Variants in TBC1D8B observed in about 807,000 individuals in gnomAD.
The protein encoded by TBC1D8B is TBC1 domain family member 8B.
TBC1D8B carries 75 observed loss-of-function variants against 82.9 expected under a neutral mutation model. The observed-to-expected ratio is 0.90, with a 90% confidence interval of 0.75 to 1.10. The LOEUF is 1.10. Among genes scored for constraint, TBC1D8B ranks in the 50% least tolerant of loss-of-function variants. The probability of loss-of-function intolerance (pLI) is 0.00; values close to 1 mark genes in which losing one functional copy is unlikely to be tolerated. For missense variants in TBC1D8B, 794 were observed against 796.9 expected, an observed-to-expected ratio of 1.00 and a Z score of 0.04; for synonymous variants, 276 against 276.8, an observed-to-expected ratio of 1.00 and a Z score of 0.03.
At chrX:106,823,085 T>G in intron 4 of TBC1D8B, 141 bp from the exon 5 acceptor site, 4 of 622,283 alleles carry the variant, frequency 6.4e-6, no homozygotes, top group Non-Finnish European at 9.4e-6. Context: ...GCTTCAAATT[T>G]TTAACTAATC....
chrX:106,827,384 G>A lies in TBC1D8B; in HGVS notation c.1203+47G>A, dbSNP rs369375577. On this transcript the variant is annotated intron_variant, in intron 7 of 20. Transcript: ENST00000357242. ...AAATCATTTGGAAAAAAAGGTGTGTGTTTAGTGTAGCCCATTCTTCAAGAG... is the reference window on the plus strand; with the variant it reads ...AAATCATTTGGAAAAAAAGGTGTGTATTTAGTGTAGCCCATTCTTCAAGAG... The A allele has an allele frequency of 4.1e-4, 476 of 1,172,981 alleles. 4 individuals are homozygous for A. Among genetic ancestry groups the A allele is most frequent in the Non-Finnish European group, 1.4e-5 (12 of 863,526 alleles).
At chrX:106,843,365 A>C (rs928911384) in intron 10 of TBC1D8B, among the ~76,000 whole-genome samples, 1 of 111,508 alleles carries the variant, frequency 9.0e-6, no homozygotes. Context: ...TTTTTTACCA[A>C]ATCTCCCCTT....
chrX:106,854,465 T>A (rs932583442), intron 14 of TBC1D8B, among the ~76,000 whole-genome samples, 169 bp downstream of exon 14: 1 of 111,464 alleles, frequency 9.0e-6, no homozygotes, highest in Non-Finnish European at 1.9e-5. Flanking sequence ...AAATACATTA[T>A]TTTCTTCTGG....
Position 106,823,461 on chromosome X carries a change from C to A in TBC1D8B, c.822C>A (p.Thr274=). 8.3e-7 allele frequency: 1 copy of A among 1,202,518 alleles called. No individual in the cohort carries two copies. Among genetic ancestry groups the A allele is most frequent in the South Asian group, 1.8e-5 (1 of 55,876 alleles). The change falls in exon 5 of 21, where the codon ACC becomes ACA. Residue 274 remains threonine (T), a synonymous_variant. Coordinates refer to ENST00000357242, the MANE Select transcript of TBC1D8B (RefSeq NM_017752.3). ...TCCTTTATAATCCTCTACAGATCAC[C>A]AAAAGGTATTCAAAGCTTAATTTTT... is the stretch of plus-strand genomic sequence containing the variant. The part of the protein sequence containing the change: ...DPVLYNPLQI[T]KRGLENRAHS...
At chrX:106,856,439 A>G (rs1352260634) in intron 14 of TBC1D8B, among the ~76,000 whole-genome samples, 1 of 110,567 alleles carries the variant, frequency 9.0e-6, no homozygotes, top group Non-Finnish European at 1.9e-5. Flanking sequence ...TTATAAAAAT[A>G]TTTTTTCATA....
chrX:106,836,084 G>A (rs1932168785), intron 7 of TBC1D8B, among the ~76,000 whole-genome samples: 1 of 111,791 alleles, frequency 8.9e-6, no homozygotes, highest in South Asian at 3.8e-4. Context: ...ACACTGGTAT[G>A]AAGAAATACC....
At chrX:106,809,070 T>G (rs750089465) in intron 1 of TBC1D8B, among the ~76,000 whole-genome samples, 93 of 112,173 alleles carry the variant, frequency 8.3e-4, no homozygotes, top group Non-Finnish European at 1.6e-3. Flanking sequence ...TTGCCTTTAT[T>G]TTAGAACATT....
chrX:106,807,454 CTTTT>C (rs753069652), intron 1 of TBC1D8B, among the ~76,000 whole-genome samples: 18 of 85,660 alleles, frequency 2.1e-4, no homozygotes, highest in African/African-American at 7.5e-4. Context: ...TTACCCTCAC[CTTTT>C]TTTTTTTTTT....
At chrX:106,845,315 A>G (rs1013340903) in intron 10 of TBC1D8B, among the ~76,000 whole-genome samples, 2 of 109,506 alleles carry the variant, frequency 1.8e-5, no homozygotes, top group Non-Finnish European at 3.8e-5. Flanking sequence ...TTTTTTAATT[A>G]TATTTTAAGT....
Position 106,873,569 on chromosome X carries a change from G to A in TBC1D8B, c.2968-1G>A, listed in dbSNP as rs1423122598. On this transcript the variant is annotated splice_acceptor_variant, in intron 20 of 20. Coordinates refer to ENST00000357242, the MANE Select transcript of TBC1D8B (RefSeq NM_017752.3). LOFTEE classifies it high-confidence loss of function. ...TGATATTTTCAACTTGTGTCTTCTA[G>A]TCTCAGTTTATTCAGTTTTCAAAGA... 1 of 1,188,365 alleles carries A rather than the reference G, an allele frequency of 8.4e-7. No individual in the cohort carries two copies. The highest frequency in any genetic ancestry group is 2.5e-5 in the Admixed American group (1 of 40,805).
In TBC1D8B at chrX:106,840,062, G is replaced by T; in HGVS notation, c.1368G>T (p.Met456Ile). The T allele has an allele frequency of 8.4e-7, 1 of 1,194,530 alleles. No individual in the cohort carries two copies. The highest frequency in any genetic ancestry group is 1.1e-6 in the Non-Finnish European group (1 of 889,048). ...TLNSKMLKEK[M>I]KEQSWKILFA... The stretch of plus-strand genomic sequence containing the variant: ...TGTCATTACAGTTGAAAGAAAAAAT[G>T]AAGGAACAGTCATGGAAAATACTGT... Residue 456 changes from methionine to isoleucine, a missense_variant, in exon 9 of 21, where the codon ATG becomes ATT. Physicochemically the swap from Met to Ile is conservative, Grantham distance 10. Coordinates refer to ENST00000357242, the MANE Select transcript of TBC1D8B (RefSeq NM_017752.3).
intron 9 of TBC1D8B, 71 bp from the exon 10 acceptor site, chrX:106,840,598 TA>T: frequency 3.2e-6 from 3 of 939,167 alleles, no homozygotes; most frequent in Non-Finnish European, 4.5e-6. Context: ...GAAATCCAAT[TA>T]TTTATGTATA....
intron 7 of TBC1D8B, among the ~76,000 whole-genome samples, chrX:106,834,320 G>A (rs5962759): frequency 0.026 from 2,896 of 110,990 alleles, 100 homozygotes; most frequent in African/African-American, 0.091. Flanking sequence ...GATCTCATGA[G>A]AACTCACTCA....
chrX:106,869,611 G>T, intron 19 of TBC1D8B, 70 bp downstream of exon 19: 1 of 902,141 alleles, frequency 1.1e-6, no homozygotes, highest in Non-Finnish European at 1.5e-6. Context: ...AGCTACAAAG[G>T]GGGAAAAGGT....
intron 2 of TBC1D8B, among the ~76,000 whole-genome samples, chrX:106,819,793 A>T (rs1411176898): frequency 9.1e-6 from 1 of 110,306 alleles, no homozygotes; most frequent in Non-Finnish European, 1.9e-5. Flanking sequence ...AGTAAAAATT[A>T]TTTTTTTTAA....
Position 106,875,194 on chromosome X carries a change from A to G in TBC1D8B, c.*1229A>G, listed in dbSNP as rs925654960. On this transcript the variant is annotated 3_prime_UTR_variant, in exon 21 of 21. Transcript: ENST00000357242. ...TTATTAATCAATTGACTTAGAAAAT[A>G]GGGGGAGAAATCATTCATTGGAGCT... is the stretch of plus-strand genomic sequence containing the variant. The G allele has an allele frequency of 9.0e-6, 1 of 111,436 alleles. No individual in the cohort carries two copies. The highest frequency in any genetic ancestry group is 3.3e-5 in the African/African-American group (1 of 30,636). The allele number at this position is 111,436 out of a possible 1,213,427, so 9.2% of individuals were successfully genotyped here.
chrX:106,872,452 T>A (rs1410255421), intron 20 of TBC1D8B, among the ~76,000 whole-genome samples: 2 of 15,856 alleles, frequency 1.3e-4, no homozygotes, highest in African/African-American at 3.6e-4. Flanking sequence ...CCCAGAAAAA[T>A]ATTTATATAT....
At chrX:106,823,186 T>C (rs751178618) in intron 4 of TBC1D8B, 40 bp from the exon 5 acceptor site, 5 of 1,156,412 alleles carry the variant, frequency 4.3e-6, no homozygotes, top group Non-Finnish European at 5.8e-6. Context: ...TAAATCACTA[T>C]GAAAATTTAA....
intron 11 of TBC1D8B, chrX:106,849,392 G>T: frequency 9.2e-7 from 1 of 1,090,435 alleles, no homozygotes; most frequent in Non-Finnish European, 1.2e-6. Flanking sequence ...CTCCCATCAA[G>T]GAGGAAATGA....
Sources: gnomAD v4.1 joint callset for allele counts (sites outside exome capture counted in the v4.1 genomes callset) on GRCh38, gnomAD v4.1.1 for gene constraint, MANE v1.5 for transcripts, NCBI Gene and HGNC (gene_info 2026-07-23, HGNC 2026-07-21) for gene names.